The following PTPRD variants were observed in gnomAD, a reference collection of about 807,000 sequenced individuals.
The protein encoded by PTPRD is receptor-type tyrosine-protein phosphatase delta.
Under a neutral mutation model 214.5 loss-of-function variants are expected in PTPRD, and 34 were observed. The ratio of observed to expected loss-of-function variants is 0.16; its 90% CI spans 0.12 to 0.21. The LOEUF is 0.21. Among genes scored for constraint, PTPRD ranks in the 10% least tolerant of loss-of-function variants. The pLI is 1.00. For synonymous variants in PTPRD, 1,128 were observed against 845.7 expected, an observed-to-expected ratio of 1.33 and a Z score of -5.79; for missense variants, 2,545 against 2,398.7, an observed-to-expected ratio of 1.06 and a Z score of -1.27.
At chr9:10,367,292 A>G (rs1226733846) in intron 2 of PTPRD, among the ~76,000 whole-genome samples, 1 of 152,178 alleles carries the variant, frequency 6.6e-6, no homozygotes, top group Admixed American at 6.5e-5. Flanking sequence ...GGTAACGAAG[A>G]AATCCTTGGT....
At chr9:8,396,023 T>C (rs1300651462) in intron 36 of PTPRD, among the ~76,000 whole-genome samples, 1 of 151,990 alleles carries the variant, frequency 6.6e-6, no homozygotes, top group East Asian at 1.9e-4. Context: ...TTTATACTAA[T>C]AAGGAGGCAA....
intron 37 of PTPRD, among the ~76,000 whole-genome samples, chr9:8,385,318 G>A (rs1473233666): frequency 6.6e-6 from 1 of 152,196 alleles, no homozygotes; most frequent in Middle Eastern, 3.2e-3. Context: ...CTTCAGGCCA[G>A]GAGTTTGAGA....
chr9:10,117,611 CG>C (rs1472211751), intron 3 of PTPRD, among the ~76,000 whole-genome samples: 1 of 63,064 alleles, frequency 1.6e-5, no homozygotes, highest in Non-Finnish European at 3.5e-5. Flanking sequence ...TAAATCTCCC[CG>C]TTTTTTTTTT....
At chr9:10,344,097 C>T (rs2097012336) in intron 2 of PTPRD, among the ~76,000 whole-genome samples, 1 of 146,848 alleles carries the variant, frequency 6.8e-6, no homozygotes, top group Non-Finnish European at 1.5e-5. Context: ...ACATGAAGTC[C>T]TTGCCCATGC....
chr9:9,364,650 G>A (rs1023835968), intron 9 of PTPRD, among the ~76,000 whole-genome samples: 9 of 151,246 alleles, frequency 6.0e-5, no homozygotes, highest in Non-Finnish European at 5.9e-5. Flanking sequence ...AGTTATGGAG[G>A]CAATGGAGGG....
At chr9:8,493,053 G>T in intron 26 of PTPRD, 74 bp from the exon 27 acceptor site, 1 of 1,267,692 alleles carries the variant, frequency 7.9e-7, no homozygotes. Context: ...AAGGCCGTCT[G>T]CCTTCATTCT....
At chr9:9,910,037 C>A (rs576350211) in intron 5 of PTPRD, among the ~76,000 whole-genome samples, 2 of 152,022 alleles carry the variant, frequency 1.3e-5, no homozygotes, top group Admixed American at 6.6e-5. Flanking sequence ...TCTCTGGAGC[C>A]ATAACCTCAG....
At chr9:10,265,122 A>C (rs971510887) in intron 3 of PTPRD, among the ~76,000 whole-genome samples, 1 of 152,102 alleles carries the variant, frequency 6.6e-6, no homozygotes, top group African/African-American at 2.4e-5. Flanking sequence ...GCAGCACGAA[A>C]ACAGACTAAT....
intron 3 of PTPRD, among the ~76,000 whole-genome samples, chr9:10,210,719 A>G (rs1564548683): frequency 6.9e-6 from 1 of 145,454 alleles, no homozygotes; most frequent in East Asian, 2.0e-4. Context: ...AAGTTGTTTG[A>G]TTTTATATAT....
chr9:8,836,255 T>A (rs1384612420), intron 11 of PTPRD, among the ~76,000 whole-genome samples: 1 of 152,102 alleles, frequency 6.6e-6, no homozygotes, highest in Non-Finnish European at 1.5e-5. Flanking sequence ...AATGTAAAAT[T>A]TGAGTGTTTT....
chr9:8,870,486 C>G (rs967420845), intron 11 of PTPRD, among the ~76,000 whole-genome samples: 1 of 151,940 alleles, frequency 6.6e-6, no homozygotes, highest in African/African-American at 2.4e-5. Flanking sequence ...TGTCAACCAC[C>G]CCATCTTGCT....
chr9:8,592,053 G>A (rs2094145228), intron 14 of PTPRD, among the ~76,000 whole-genome samples: 1 of 151,924 alleles, frequency 6.6e-6, no homozygotes, highest in East Asian at 1.9e-4. Flanking sequence ...AAAATGTACG[G>A]GGTCAAAAAG....
At chr9:8,918,981 C>T (rs576036235) in intron 11 of PTPRD, among the ~76,000 whole-genome samples, 1 of 152,226 alleles carries the variant, frequency 6.6e-6, no homozygotes, top group South Asian at 2.1e-4. Context: ...GACCACACAT[C>T]GTAGGGAACA....
chr9:9,245,181 T>C (rs926710467), intron 9 of PTPRD, among the ~76,000 whole-genome samples: 2 of 152,132 alleles, frequency 1.3e-5, no homozygotes, highest in African/African-American at 2.4e-5. Context: ...ACTTTTACAC[T>C]GTTGGTGGGA....
At chr9:9,453,929 T>G (rs1176690699) in intron 8 of PTPRD, among the ~76,000 whole-genome samples, 3 of 151,702 alleles carry the variant, frequency 2.0e-5, no homozygotes, top group Non-Finnish European at 4.4e-5. Flanking sequence ...CTACATGAGA[T>G]CCACTTCTAA....
intron 3 of PTPRD, among the ~76,000 whole-genome samples, chr9:10,093,134 CGAAAA>C (rs2098449310): frequency 6.6e-6 from 1 of 150,478 alleles, no homozygotes; most frequent in Non-Finnish European, 1.5e-5. Context: ...CTTCTGCACA[CGAAAA>C]GAAAAGGAAA....
chr9:9,287,064 A>T (rs988129847), intron 9 of PTPRD, among the ~76,000 whole-genome samples: 4 of 150,548 alleles, frequency 2.7e-5, no homozygotes, highest in Non-Finnish European at 5.9e-5. Context: ...GTCTCTGCTA[A>T]AAATACAAAA....
chr9:9,887,129 G>T (rs745491715), intron 5 of PTPRD, among the ~76,000 whole-genome samples: 1 of 152,074 alleles, frequency 6.6e-6, no homozygotes, highest in Non-Finnish European at 1.5e-5. Flanking sequence ...CACATTGGTG[G>T]CAAGTCATTT....
intron 2 of PTPRD, among the ~76,000 whole-genome samples, chr9:10,373,437 G>A (rs2154478970): frequency 6.6e-6 from 1 of 152,136 alleles, no homozygotes; most frequent in South Asian, 2.1e-4. Flanking sequence ...TTCAGTATAT[G>A]AGCTTTGTTG....
Sources: allele counts gnomAD v4.1 joint callset (sites outside exome capture counted in the v4.1 genomes callset), GRCh38; gene constraint gnomAD v4.1.1; transcripts MANE v1.5; gene names NCBI Gene and HGNC (gene_info 2026-07-23, HGNC 2026-07-21).